The following UTP20 variants were observed in gnomAD, a reference collection of about 807,000 sequenced individuals.
UTP20 encodes UTP20 small subunit processome component.
Under a neutral mutation model 329.5 loss-of-function variants are expected in UTP20, and 164 were observed. That is an observed-to-expected ratio of 0.50 (90% CI 0.44 to 0.57). The LOEUF (loss-of-function observed/expected upper bound fraction) is 0.57. Ranked by LOEUF, UTP20 falls within the 20% of genes least tolerant of loss-of-function variation. The probability of loss-of-function intolerance (pLI) is 0.00; values close to 1 mark genes in which losing one functional copy is unlikely to be tolerated. For synonymous variants in UTP20, 1,151 were observed against 1,159.3 expected (o/e 0.99, Z 0.14); for missense variants, 3,055 against 3,284.2 (o/e 0.93, Z 1.71).
chr12:101,317,219 A>G (rs1047736826), intron 21 of UTP20, among the ~76,000 whole-genome samples: 1 of 152,232 alleles, frequency 6.6e-6, no homozygotes, highest in African/African-American at 2.4e-5. Context: ...CTTAGTCCAA[A>G]ATAGACATTT....
At chr12:101,375,944 C>T (rs1285880882) in intron 56 of UTP20, among the ~76,000 whole-genome samples, 188 bp downstream of exon 56, 6 of 151,878 alleles carry the variant, frequency 4.0e-5, no homozygotes, top group Admixed American at 6.6e-5. Flanking sequence ...GAAAAAAAAA[C>T]GTATCTATGA....
At chr12:101,280,364 C>CCG (rs1387823564) in intron 1 of UTP20, 37 bp downstream of exon 1, 1 of 1,551,296 alleles carries the variant, frequency 6.4e-7, no homozygotes, top group African/African-American at 1.4e-5. Flanking sequence ...CCGCGGGTCT[C>CCG]CGCTGCCTCA....
chr12:101,322,800 A>G (rs747375457), intron 25 of UTP20, among the ~76,000 whole-genome samples: 1 of 152,226 alleles, frequency 6.6e-6, no homozygotes, highest in Non-Finnish European at 1.5e-5. Context: ...TATAATAGAC[A>G]TAAAAATATT....
intron 14 of UTP20, among the ~76,000 whole-genome samples, chr12:101,301,204 G>T (rs1872512889): frequency 6.6e-6 from 1 of 152,194 alleles, no homozygotes; most frequent in South Asian, 2.1e-4. Flanking sequence ...CTGGGCCAGA[G>T]ACTAAATGAG....
chr12:101,352,004 T>G, intron 38 of UTP20, 51 bp from the exon 39 acceptor site: 3 of 1,600,160 alleles, frequency 1.9e-6, no homozygotes, highest in Non-Finnish European at 2.6e-6. Flanking sequence ...TAGCCTTGCA[T>G]TTTATTAGCA....
chr12:101,288,934 A>G, intron 5 of UTP20, 26 bp from the exon 6 acceptor site: 3 of 1,574,634 alleles, frequency 1.9e-6, no homozygotes, highest in Non-Finnish European at 2.6e-6. Context: ...GATTAATGAA[A>G]TGTATCTTAT....
In UTP20 at chr12:101,383,619, T is replaced by C; in HGVS notation, c.8006T>C (p.Met2669Thr). ...GIDKVKPYLP[M>T]IIAPLFRELN... ...GACAAGGTAAAGCCGTATCTCCCAA[T>C]GATCATAGCTCCTTTGTTTCGGGAA... Residue 2669 changes from methionine to threonine, a missense_variant, in exon 60 of 62, where the codon ATG becomes ACG. Physicochemically the swap from Met to Thr is moderately conservative, Grantham distance 81. Transcript: ENST00000261637. 1.2e-6 allele frequency: 2 copies of C among 1,613,936 alleles called. No homozygotes were observed. Among genetic ancestry groups the C allele is most frequent in the Non-Finnish European group, 1.7e-6 (2 of 1,179,926 alleles).
At chr12:101,374,563 AAAATT>A (rs1010486664) in intron 54 of UTP20, among the ~76,000 whole-genome samples, 1 of 152,216 alleles carries the variant, frequency 6.6e-6, no homozygotes, top group Non-Finnish European at 1.5e-5. Flanking sequence ...AATGGAAAAA[AAAATT>A]AAAGTATTCA....
intron 5 of UTP20, 38 bp downstream of exon 5, chr12:101,286,547 C>T: frequency 6.9e-7 from 1 of 1,457,670 alleles, no homozygotes; most frequent in Non-Finnish European, 9.1e-7. Flanking sequence ...TTTTAATTGC[C>T]TGCTTCTTTT....
intron 28 of UTP20, 62 bp downstream of exon 28, chr12:101,333,506 C>T (rs1868830591): frequency 6.4e-7 from 1 of 1,569,666 alleles, no homozygotes; most frequent in Non-Finnish European, 8.6e-7. Context: ...TACTAACTCA[C>T]CAACATAGCT....
intron 21 of UTP20, among the ~76,000 whole-genome samples, chr12:101,317,055 T>C (rs1358049952): frequency 6.6e-6 from 1 of 152,198 alleles, no homozygotes; most frequent in Admixed American, 6.5e-5. Context: ...TTTGTGGTGG[T>C]ACTATATTTT....
chr12:101,306,703 G>A lies in UTP20; in HGVS notation c.1937G>A (p.Arg646Gln), dbSNP rs762347272. Residue 646 changes from arginine to glutamine, a missense_variant, in exon 17 of 62, where the codon CGG (arginine) becomes CAG (glutamine). Coordinates refer to ENST00000261637, the MANE Select transcript of UTP20 (RefSeq NM_014503.3). The part of the protein sequence containing the change: ...ANISTGVSKI[R>Q]LLTIRILNHF... ...GATGCCTTTTACTTTCTCCAGATTCGGCTTTTGACAATAAGGATCCTAAAC... is the reference window on the plus strand; with the variant it reads ...GATGCCTTTTACTTTCTCCAGATTCAGCTTTTGACAATAAGGATCCTAAAC... 22 of 1,598,180 alleles carry A rather than the reference G, an allele frequency of 1.4e-5. No individual in the cohort carries two copies. Among genetic ancestry groups the A allele is most frequent in the South Asian group, 4.6e-5 (4 of 87,460 alleles).
intron 15 of UTP20, among the ~76,000 whole-genome samples, chr12:101,303,341 T>C (rs1872571920): frequency 6.6e-6 from 1 of 152,134 alleles, no homozygotes; most frequent in Non-Finnish European, 1.5e-5. Context: ...TAGGAGGTGC[T>C]AAGTGCTGTG....
At chr12:101,363,506 TCAGTGACTGC>T in intron 44 of UTP20, 60 bp from the exon 45 acceptor site, 1 of 1,431,934 alleles carries the variant, frequency 7.0e-7, no homozygotes, top group South Asian at 1.5e-5. Flanking sequence ...GGGCCTTTTT[TCAGTGACTGC>T]TTATGTTGGC....
At chr12:101,296,949 A>G (rs1444609818) in intron 12 of UTP20, among the ~76,000 whole-genome samples, 1 of 152,138 alleles carries the variant, frequency 6.6e-6, no homozygotes, top group Non-Finnish European at 1.5e-5. Flanking sequence ...TAGAAACTGT[A>G]GCTTAGGAAA....
chr12:101,306,828 A>C, intron 17 of UTP20, 67 bp downstream of exon 17: 1 of 1,410,562 alleles, frequency 7.1e-7, no homozygotes. Context: ...GTGGTTTCCA[A>C]AATGATACCT....
chr12:101,314,290 C>T (rs2137254705), intron 21 of UTP20, among the ~76,000 whole-genome samples: 1 of 152,290 alleles, frequency 6.6e-6, no homozygotes, highest in South Asian at 2.1e-4. Context: ...TTGGAGTGAC[C>T]TTAGTCAGAG....
At chr12:101,319,472 T>C in intron 22 of UTP20, 73 bp from the exon 23 acceptor site, 1 of 1,128,906 alleles carries the variant, frequency 8.9e-7, no homozygotes. Context: ...CAGAATAAAA[T>C]TGTAGATGTC....
intron 15 of UTP20, among the ~76,000 whole-genome samples, chr12:101,303,282 T>TA (rs1872570161): frequency 6.6e-6 from 1 of 152,212 alleles, no homozygotes; most frequent in African/African-American, 2.4e-5. Context: ...GCTAATGCTC[T>TA]AGCCAGAAGA....
Sources: allele counts gnomAD v4.1 joint callset (sites outside exome capture counted in the v4.1 genomes callset), GRCh38; gene constraint gnomAD v4.1.1; transcripts MANE v1.5; gene names NCBI Gene and HGNC (gene_info 2026-07-23, HGNC 2026-07-21).